CCHCR1: variants seen among roughly 807,000 people sequenced by gnomAD.
CCHCR1 encodes the protein HCR (a-helix coiled-coil rod homologue).
Under a neutral mutation model 114.6 loss-of-function variants are expected in CCHCR1, and 91 were observed. That is an observed-to-expected ratio of 0.79 (90% CI 0.67 to 0.94). The LOEUF is 0.94. Ranked by LOEUF, CCHCR1 falls within the 40% of genes least tolerant of loss-of-function variation. CCHCR1 has a pLI of 0.00. For synonymous variants in CCHCR1, 379 were observed against 428.5 expected (o/e 0.88, Z 1.43); for missense variants, 899 against 1,079.9 (o/e 0.83, Z 2.35).
chr6:31,145,842 C>T, intron 10 of CCHCR1, 34 bp from the exon 11 acceptor site: 1 of 1,313,714 alleles, frequency 7.6e-7, no homozygotes, highest in Non-Finnish European at 1.1e-6. Flanking sequence ...TCCTCCATGC[C>T]TCCCCTCATT....
At chr6:31,148,372 A>G (rs1774651873) in intron 10 of CCHCR1, 33 bp downstream of exon 10, 4 of 1,329,008 alleles carry the variant, frequency 3.0e-6, no homozygotes, top group African/African-American at 2.9e-5. Flanking sequence ...GGTGGCAGAA[A>G]CACTACTCCA....
In CCHCR1 at chr6:31,154,903, C is replaced by T. The variant is rs377392854; in HGVS notation, c.498-104G>A. 1.2e-4 allele frequency: 131 copies of T among 1,100,910 alleles called. No individual in the cohort carries two copies. In the South Asian group the frequency reaches 1.7e-3, roughly 14 times the overall value. 68.2% of individuals were successfully genotyped at this position (1,100,910 alleles called of 1,614,324 possible). The stretch of plus-strand genomic sequence containing the variant: ...AAGGAAAAGAGGACCCCTCTGCTTC[C>T]GTGTGGGGAGGTGAAGGGGGTGCTG... On this transcript the variant is annotated intron_variant, in intron 3 of 17. Transcript: ENST00000396268. This position sits in a 1 kb window ranked among gnomAD's most constrained non-coding sequence, Gnocchi z 4.1.
In CCHCR1 at chr6:31,150,320, G is replaced by A; in HGVS notation, c.1213-105C>T. On this transcript the variant is annotated intron_variant, in intron 7 of 17. Transcript: ENST00000396268. This position sits in a 1 kb window ranked among gnomAD's most constrained non-coding sequence, Gnocchi z 5.3. ...TCCTGCCTGGGCAACATGAGCTACA[G>A]CAAGAGGAGTTCACAGGAAGGAGAT... The A allele has an allele frequency of 7.2e-7, 1 of 1,394,346 alleles. No homozygotes were observed. Among genetic ancestry groups the A allele is most frequent in the Non-Finnish European group, 1.0e-6 (1 of 998,560 alleles). 86.4% of individuals were successfully genotyped at this position (1,394,346 alleles called of 1,614,324 possible). A position where few individuals can be genotyped will look rare whatever the true frequency, so the allele number is the denominator to read the frequency against.
In CCHCR1 at chr6:31,157,007, G is replaced by A. The variant is rs1175310727; in HGVS notation, c.283+16C>T. 1 of 1,611,496 alleles carries A rather than the reference G, an allele frequency of 6.2e-7. No individual in the cohort carries two copies. ...GGCAGAGACAACCACCACTCCCCTT[G>A]TCTGGTCCCACTGACCTGAAGGTGG... On this transcript the variant is annotated intron_variant, in intron 2 of 17. Coordinates refer to ENST00000396268, the MANE Select transcript of CCHCR1 (RefSeq NM_001105564.2).
rs1396859225 is a variant in CCHCR1 at position 31,154,132 on chromosome 6, C to T, written c.801+364G>A. ...GTACTGAGTTTGAGGACTGAATAAT[C>T]TCTCTCTCCCAGTCCACCATAGCCC... On this transcript the variant is annotated intron_variant, in intron 4 of 17. Transcript: ENST00000396268. This position sits in a 1 kb window ranked among gnomAD's most constrained non-coding sequence, Gnocchi z 4.1. Among the ~76,000 whole-genome samples, 1 of 152,084 alleles carries T rather than the reference C, an allele frequency of 6.6e-6. No individual in the cohort carries two copies. The highest frequency in any genetic ancestry group is 2.4e-5 in the African/African-American group (1 of 41,350).
upstream of CCHCR1, chr6:31,157,854 T>C (rs1412302641): frequency 8.7e-6 from 4 of 460,614 alleles, no homozygotes; most frequent in Non-Finnish European, 1.5e-5. Context: ...CTGGGATCCC[T>C]ACTCCCGTCC....
rs1776270644 is a variant in CCHCR1 at position 31,157,645 on chromosome 6, A to T, written c.-45T>A. 6.6e-7 allele frequency: 1 copy of T among 1,505,470 alleles called. No individual in the cohort carries two copies. The highest frequency in any genetic ancestry group is 9.1e-7 in the Non-Finnish European group (1 of 1,102,838). 93.3% of individuals were successfully genotyped at this position (1,505,470 alleles called of 1,614,324 possible). On this transcript the variant is annotated 5_prime_UTR_variant, in exon 1 of 18. The change abolishes the stop of an existing upstream ORF in the 5' untranslated region. Coordinates refer to ENST00000396268, the MANE Select transcript of CCHCR1 (RefSeq NM_001105564.2). ...AAGACCTTGGGAATCCAGGCCGCCT[A>T]GATCCCCAGGCAGAAAAGCCAGCGT...
chr6:31,153,776 C>T (rs1020920603), intron 4 of CCHCR1, among the ~76,000 whole-genome samples: 5 of 152,226 alleles, frequency 3.3e-5, no homozygotes, highest in South Asian at 2.1e-4. Flanking sequence ...GACAGGGTTT[C>T]GCCATGTTGG....
At chr6:31,149,281 T>C (rs1774858693) in intron 8 of CCHCR1, 1 of 154,584 alleles carries the variant, frequency 6.5e-6, no homozygotes, top group African/African-American at 2.4e-5. Flanking sequence ...CACTCAAAGA[T>C]GGGAATAGCC....
Position 31,146,581 on chromosome 6 carries a change from TGAA to T in CCHCR1, c.1581-776_1581-774del, listed in dbSNP as rs1581914875. Reference sequence around the variant, plus strand: ...GCACCCACAGAAAAACACATGATGATGAAGGCTTGCAGCTGCATCCCCAGCAGC... The same window carrying T: ...GCACCCACAGAAAAACACATGATGATGGCTTGCAGCTGCATCCCCAGCAGC... On this transcript the variant is annotated intron_variant, in intron 10 of 17. Coordinates refer to ENST00000396268, the MANE Select transcript of CCHCR1 (RefSeq NM_001105564.2). Among the ~76,000 whole-genome samples the T allele has an allele frequency of 3.3e-5, 5 of 152,148 alleles. No homozygotes were observed. In the East Asian group the frequency reaches 7.7e-4, roughly 23 times the overall value.
rs542812238 is a variant in CCHCR1 at position 31,153,341 on chromosome 6, T to C, written c.801+1155A>G. Among the ~76,000 whole-genome samples the C allele has an allele frequency of 2.0e-4, 31 of 152,260 alleles. No homozygotes were observed. The Middle Eastern group carries it at 0.01, about 50-fold the overall frequency. On this transcript the variant is annotated intron_variant, in intron 4 of 17. Transcript: ENST00000396268. Reference sequence around the variant, plus strand: ...CATTTTCTGATTGGATTGCTGGTCTTTCCCTTACCAATTTCTAGGCACACA... The same window carrying C: ...CATTTTCTGATTGGATTGCTGGTCTCTCCCTTACCAATTTCTAGGCACACA...
chr6:31,150,773 G>A lies in CCHCR1; in HGVS notation c.1053C>T (p.His351=). The stretch of plus-strand genomic sequence containing the variant: ...GTCGCTCCAGTTCCCATGTCTGGCT[G>A]TGGACCTCAGAAGGCACTTGTTCCC... ...YVGEQVPSEV[H]SQTWELERQK... The change falls in exon 6 of 18, where the codon CAC becomes CAT. Residue 351 remains histidine (H), a synonymous_variant. Transcript: ENST00000396268. This position sits in a 1 kb window ranked among gnomAD's most constrained non-coding sequence, Gnocchi z 5.3. The A allele has an allele frequency of 6.2e-7, 1 of 1,613,082 alleles. No individual in the cohort carries two copies. The highest frequency in any genetic ancestry group is 8.5e-7 in the Non-Finnish European group (1 of 1,180,020).
At chr6:31,149,549 C>T (rs1774902233) in intron 8 of CCHCR1, 1 of 152,526 alleles carries the variant, frequency 6.6e-6, no homozygotes, top group Non-Finnish European at 1.5e-5. Context: ...CTCAGGTGAT[C>T]CTCCCACCTC....
chr6:31,145,525 T>C (rs368957603), intron 11 of CCHCR1, 32 bp from the exon 12 acceptor site: 26 of 1,610,458 alleles, frequency 1.6e-5, no homozygotes, highest in Middle Eastern at 1.6e-4. Flanking sequence ...GAAAAAGAGA[T>C]GAAGTTTGCA....
At chr6:31,147,315 G>T (rs1027120158) in intron 10 of CCHCR1, among the ~76,000 whole-genome samples, 1 of 150,884 alleles carries the variant, frequency 6.6e-6, no homozygotes, top group African/African-American at 2.4e-5. Context: ...CAGGAAAATC[G>T]TGTGAACCCG....
At position 31,150,248 on chromosome 6, in the gene CCHCR1, C is replaced by G. The variant is rs749746654; in HGVS notation, c.1213-33G>C. On this transcript the variant is annotated intron_variant, in intron 7 of 17. Coordinates refer to ENST00000396268, the MANE Select transcript of CCHCR1 (RefSeq NM_001105564.2). This position sits in a 1 kb window ranked among gnomAD's most constrained non-coding sequence, Gnocchi z 5.3. The stretch of plus-strand genomic sequence containing the variant: ...AGAAGGAGTGGGAGAAAAGTGTGGG[C>G]TCCTGGGGGAGGAGAGGAAGGAGGT... 6.2e-7 allele frequency: 1 copy of G among 1,610,240 alleles called. No homozygotes were observed.
chr6:31,150,681 C>T lies in CCHCR1; in HGVS notation c.1101+44G>A. On this transcript the variant is annotated intron_variant, in intron 6 of 17. Transcript: ENST00000396268. This position sits in a 1 kb window ranked among gnomAD's most constrained non-coding sequence, Gnocchi z 5.3. ...TCCAAGGGCCACGCTTGCCTCCCAACCTGATCCCTAAGTCTGCACACAGAT... is the reference window on the plus strand; with the variant it reads ...TCCAAGGGCCACGCTTGCCTCCCAATCTGATCCCTAAGTCTGCACACAGAT... The T allele has an allele frequency of 6.2e-7, 1 of 1,604,366 alleles. No homozygotes were observed. The highest frequency in any genetic ancestry group is 8.5e-7 in the Non-Finnish European group (1 of 1,174,998).
In CCHCR1 at chr6:31,143,407, G is replaced by A; in HGVS notation, c.2174C>T (p.Ser725Phe). The change falls in exon 16 of 18, where the codon TCC (serine) becomes TTC (phenylalanine). Residue 725 changes from serine to phenylalanine, a missense_variant. By Grantham distance (155) the Ser-to-Phe change is radical. Transcript: ENST00000396268. The surrounding 1 kb of genome is among the most constrained non-coding windows in gnomAD (Gnocchi z 5.3). The part of the protein sequence containing the change: ...ARREHAKAVV[S>F]LRQIQRRAAQ... ...GGCTCTGCGCTGAATCTGGCGTAAG[G>A]AGACCACTACAGAGAGGCCAAGGCA... 1 of 1,612,842 alleles carries A rather than the reference G, an allele frequency of 6.2e-7. No homozygotes were observed.
upstream of CCHCR1, chr6:31,157,928 C>G (rs720466): frequency 0.21 from 83,369 of 397,628 alleles, 10,166 homozygotes; most frequent in African/African-American, 0.28. Context: ...TCACCCCCAT[C>G]TCTCAATAGC....
Sources: allele counts gnomAD v4.1 joint callset (sites outside exome capture counted in the v4.1 genomes callset), GRCh38; gene constraint gnomAD v4.1.1; non-coding constraint Gnocchi (gnomAD v3.1); transcripts MANE v1.5; gene names NCBI Gene and HGNC (gene_info 2026-07-23, HGNC 2026-07-21).